Variants in MGAT4C observed in about 807,000 individuals in gnomAD.
The protein encoded by MGAT4C is MGAT4 family member C.
MGAT4C carries 19 observed loss-of-function variants against 40.1 expected under a neutral mutation model. The ratio of observed to expected loss-of-function variants is 0.47; its 90% CI spans 0.33 to 0.70. MGAT4C has a LOEUF of 0.70. Among genes scored for constraint, MGAT4C ranks in the 30% least tolerant of loss-of-function variants. The pLI, the probability that MGAT4C is intolerant of heterozygous loss-of-function variation, is 0.02. For missense variants in MGAT4C, 491 were observed against 563.2 expected (o/e 0.87, Z 1.30); for synonymous variants, 181 against 187.1 (o/e 0.97, Z 0.27).
Position 85,957,651 on chromosome 12 carries a change from A to C in MGAT4C, c.*21638T>G, listed in dbSNP as rs901603332. Reference sequence around the variant, plus strand: ...TTTTCTTTTACTGTAGAGTTGAATAAGAAAGCAAAAAAAAAAAAAAAAGAA... The same window carrying C: ...TTTTCTTTTACTGTAGAGTTGAATACGAAAGCAAAAAAAAAAAAAAAAGAA... On this transcript the variant is annotated 3_prime_UTR_variant, in exon 5 of 5. Coordinates refer to ENST00000611864, the MANE Select transcript of MGAT4C (RefSeq NM_001351288.2). The C allele has an allele frequency of 1.4e-5, 2 of 140,998 alleles. No homozygotes were observed. The highest frequency in any genetic ancestry group is 5.2e-5 in the African/African-American group (2 of 38,396). The allele number at this position is 140,998 out of a possible 1,614,324, so 8.7% of individuals were successfully genotyped here.
chr12:86,039,795 A>AAGAG (rs1891624274), intron 2 of MGAT4C, among the ~76,000 whole-genome samples: 1 of 152,158 alleles, frequency 6.6e-6, no homozygotes, highest in Non-Finnish European at 1.5e-5. Flanking sequence ...TTTGAAGGAA[A>AAGAG]AGAGGGGTTC....
intron 3 of MGAT4C, among the ~76,000 whole-genome samples, chr12:86,355,349 G>A (rs1350974855): frequency 6.6e-6 from 1 of 152,010 alleles, no homozygotes; most frequent in East Asian, 1.9e-4. Context: ...CTCAATTGGA[G>A]TCTCAGAAGG....
In MGAT4C at chr12:86,017,698, C is replaced by T. The variant is rs561931487; in HGVS notation, c.-6-28146G>A. ...CAGATATGGTGCAAAGTTTGAGAAG[C>T]CACGCAATTTAGGGACAGATATTTT... On this transcript the variant is annotated intron_variant, in intron 2 of 4. Transcript: ENST00000611864. Among the ~76,000 whole-genome samples the T allele has an allele frequency of 4.6e-5, 7 of 152,186 alleles. No individual in the cohort carries two copies. The South Asian group carries it at 1.5e-3, about 32-fold the overall frequency.
chr12:86,590,858 G>T (rs77554126), intron 2 of MGAT4C, among the ~76,000 whole-genome samples: 2 of 151,922 alleles, frequency 1.3e-5, no homozygotes, highest in African/African-American at 4.8e-5. Flanking sequence ...AATAGTTTAT[G>T]ATGCTCATCT....
intron 2 of MGAT4C, among the ~76,000 whole-genome samples, chr12:86,047,077 G>T (rs778584879): frequency 6.6e-6 from 1 of 152,050 alleles, no homozygotes; most frequent in African/African-American, 2.4e-5. Flanking sequence ...GATGAAAATC[G>T]CCAAAACAAA....
intron 1 of MGAT4C, among the ~76,000 whole-genome samples, chr12:86,807,348 C>T (rs1344405789): frequency 6.6e-6 from 1 of 152,040 alleles, no homozygotes; most frequent in African/African-American, 2.4e-5. Context: ...CATTGTTTAG[C>T]TCCCACTTAT....
intron 2 of MGAT4C, among the ~76,000 whole-genome samples, chr12:86,692,575 C>G (rs1950189641): frequency 6.6e-6 from 1 of 152,140 alleles, no homozygotes; most frequent in East Asian, 1.9e-4. Flanking sequence ...AAATTTAATA[C>G]TTATGGAGAT....
At chr12:86,003,064 G>T (rs907764932) in intron 2 of MGAT4C, among the ~76,000 whole-genome samples, 1 of 152,104 alleles carries the variant, frequency 6.6e-6, no homozygotes, top group South Asian at 2.1e-4. Context: ...GTCTCCCAAA[G>T]TGTCAGGATT....
At chr12:85,983,924 C>A (rs1450142644) in intron 3 of MGAT4C, among the ~76,000 whole-genome samples, 1 of 152,106 alleles carries the variant, frequency 6.6e-6, no homozygotes, top group Non-Finnish European at 1.5e-5. Flanking sequence ...CTATAGGACA[C>A]ATTAATAATG....
rs1004076139 is a variant in MGAT4C at position 86,441,723 on chromosome 12, C to T, written c.-228-6458G>A. On this transcript the variant is annotated intron_variant, in intron 2 of 7. Transcript: ENST00000548651. ...AGTATTCCATGGTGTATATGTGCCA[C>T]ATTTTCTTAATCTAGGCAATCATTA... is the stretch of plus-strand genomic sequence containing the variant. Among the ~76,000 whole-genome samples, 7 of 152,186 alleles carry T rather than the reference C, an allele frequency of 4.6e-5. 1 individual carries two copies. In the Middle Eastern group the frequency reaches 0.01, roughly 222 times the overall value.
intron 1 of MGAT4C, among the ~76,000 whole-genome samples, chr12:86,774,315 C>CTTTCTTTCTTTATTTCT (rs1555227767): frequency 1.7e-5 from 1 of 59,328 alleles, no homozygotes; most frequent in African/African-American, 5.4e-5. Flanking sequence ...TTCTTTCTTT[C>CTTTCTTTCTTTATTTCT]TTTCTTTCTT....
chr12:86,359,744 T>A (rs1038076738), intron 3 of MGAT4C, among the ~76,000 whole-genome samples: 3 of 151,968 alleles, frequency 2.0e-5, no homozygotes, highest in African/African-American at 7.3e-5. Context: ...AAATGGAAAA[T>A]TCCTGGACAC....
intron 2 of MGAT4C, among the ~76,000 whole-genome samples, chr12:86,006,715 C>T (rs150229051): frequency 6.6e-6 from 1 of 152,140 alleles, no homozygotes; most frequent in African/African-American, 2.4e-5. Context: ...ATTTTTCATC[C>T]ACCACCATCC....
chr12:86,080,081 C>T (rs758277082), intron 1 of MGAT4C, among the ~76,000 whole-genome samples: 2 of 152,198 alleles, frequency 1.3e-5, no homozygotes, highest in Non-Finnish European at 2.9e-5. Flanking sequence ...GCTAAGATTC[C>T]CTCACCAAGC....
intron 1 of MGAT4C, among the ~76,000 whole-genome samples, chr12:86,749,202 C>A (rs1951197879): frequency 6.6e-6 from 1 of 151,598 alleles, no homozygotes; most frequent in South Asian, 2.1e-4. Context: ...TATTTGCTAA[C>A]TTTCCATTCT....
intron 4 of MGAT4C, among the ~76,000 whole-genome samples, chr12:86,306,850 ATAAAGAAAG>A (rs983905362): frequency 1.3e-5 from 1 of 78,328 alleles, no homozygotes; most frequent in Admixed American, 1.3e-4. Context: ...GGGATACGTG[ATAAAGAAAG>A]TATAGTACAA....
chr12:86,279,858 G>A (rs183551255), intron 4 of MGAT4C, among the ~76,000 whole-genome samples: 1 of 151,912 alleles, frequency 6.6e-6, no homozygotes, highest in Non-Finnish European at 1.5e-5. Context: ...TTTGTTTCAA[G>A]AAATTTTTCA....
intron 2 of MGAT4C, among the ~76,000 whole-genome samples, chr12:86,552,513 A>G (rs951291229): frequency 6.6e-6 from 1 of 152,130 alleles, no homozygotes; most frequent in Non-Finnish European, 1.5e-5. Flanking sequence ...CAAATAGCTA[A>G]AGGGAATATA....
At chr12:86,809,873 T>C (rs2136214500) in intron 1 of MGAT4C, among the ~76,000 whole-genome samples, 1 of 152,180 alleles carries the variant, frequency 6.6e-6, no homozygotes, top group South Asian at 2.1e-4. Flanking sequence ...ATTTAAATTA[T>C]GGAATAAACT....
Sources: allele counts gnomAD v4.1 joint callset (sites outside exome capture counted in the v4.1 genomes callset), GRCh38; gene constraint gnomAD v4.1.1; transcripts MANE v1.5; gene names NCBI Gene and HGNC (gene_info 2026-07-23, HGNC 2026-07-21).